CDH13: variants seen among roughly 807,000 people sequenced by gnomAD.
CDH13 encodes cadherin 13.
A neutral mutation model predicts 63.8 loss-of-function variants in CDH13; 24 were observed. That is an observed-to-expected ratio of 0.38 (90% CI 0.27 to 0.53). The LOEUF (loss-of-function observed/expected upper bound fraction) is 0.53. Among genes scored for constraint, CDH13 ranks in the 20% least tolerant of loss-of-function variants. The pLI is 0.85. For synonymous variants in CDH13, 503 were observed against 355.3 expected (o/e 1.42, Z -4.67); for missense variants, 1,049 against 903.1 (o/e 1.16, Z -2.07).
chr16:83,779,980 C>G lies in CDH13; in HGVS notation c.1694C>G (p.Ala565Gly), dbSNP rs1915408274. Residue 565 changes from alanine (A) to glycine (G), a missense_variant, in exon 12 of 14, where the codon GCT becomes GGT. Transcript: ENST00000567109. ...FLAIDSGNPP[A>G]TGTGTLLITL... is the part of the protein sequence containing the mutation. ...CTTTTTCCCACAGGCAACCCTCCCG[C>G]TACGGGCACTGGGACTTTGCTGATA... 2 of 1,609,064 alleles carry G rather than the reference C, an allele frequency of 1.2e-6. No individual in the cohort carries two copies. Among genetic ancestry groups the G allele is most frequent in the Non-Finnish European group, 1.7e-6 (2 of 1,175,688 alleles).
chr16:83,216,165 T>C (rs1353806900), intron 4 of CDH13, among the ~76,000 whole-genome samples: 1 of 151,798 alleles, frequency 6.6e-6, no homozygotes, highest in East Asian at 2.0e-4. Context: ...CCAAATTTAT[T>C]CTTCAAATGT....
At chr16:83,064,527 A>G (rs1479040755) in intron 3 of CDH13, among the ~76,000 whole-genome samples, 2 of 152,208 alleles carry the variant, frequency 1.3e-5, no homozygotes, top group Admixed American at 6.5e-5. Context: ...AATATTAGCA[A>G]TATCTTCTTT....
intron 2 of CDH13, among the ~76,000 whole-genome samples, chr16:82,861,743 T>C (rs2039954791): frequency 6.6e-6 from 1 of 152,214 alleles, no homozygotes; most frequent in Non-Finnish European, 1.5e-5. Flanking sequence ...CTCTTTATTC[T>C]ACTCTCCTTT....
At chr16:83,773,297 G>C (rs1914879776) in intron 11 of CDH13, among the ~76,000 whole-genome samples, 1 of 152,150 alleles carries the variant, frequency 6.6e-6, no homozygotes, top group African/African-American at 2.4e-5. Flanking sequence ...GCCTATATTA[G>C]TCCATTCTCA....
At chr16:83,613,741 G>A (rs772772298) in intron 8 of CDH13, among the ~76,000 whole-genome samples, 7 of 152,112 alleles carry the variant, frequency 4.6e-5, no homozygotes, top group East Asian at 1.9e-4. Flanking sequence ...GCTGAGGCAC[G>A]AGAATCACTT....
intron 6 of CDH13, 150 bp downstream of exon 6, chr16:83,345,156 G>A: frequency 1.2e-6 from 1 of 831,792 alleles, no homozygotes; most frequent in Non-Finnish European, 1.8e-6. Context: ...AGCCAGGTTG[G>A]AAAGCTAAAG....
rs145826591 is a variant in CDH13, at chr16:83,145,637, A to G, written c.483+20136A>G. ...TTGTTTCATTTTTTCTTTGAAGAACATTCTATAGATCGAAGGAATTATTCC... is the reference window on the plus strand; with the variant it reads ...TTGTTTCATTTTTTCTTTGAAGAACGTTCTATAGATCGAAGGAATTATTCC... On this transcript the variant is annotated intron_variant, in intron 4 of 13. Transcript: ENST00000567109. 4.4e-3 allele frequency among the ~76,000 whole-genome samples: 669 copies of G among 152,334 alleles called. 4 individuals carry two copies. The highest frequency in any genetic ancestry group is 0.015 in the African/African-American group (635 of 41,576).
chr16:82,720,172 G>A (rs1386755205), intron 1 of CDH13, among the ~76,000 whole-genome samples: 2 of 152,100 alleles, frequency 1.3e-5, no homozygotes, highest in African/African-American at 4.8e-5. Flanking sequence ...AGTGACGGTG[G>A]TCGTAGTGGT....
intron 7 of CDH13, among the ~76,000 whole-genome samples, chr16:83,559,665 A>G (rs2075667471): frequency 6.6e-6 from 1 of 152,062 alleles, no homozygotes; most frequent in African/African-American, 2.4e-5. Flanking sequence ...GAGGGAAGGA[A>G]AAATTGAAAA....
chr16:82,685,697 G>C (rs576629358), intron 1 of CDH13, among the ~76,000 whole-genome samples: 4 of 152,182 alleles, frequency 2.6e-5, no homozygotes, highest in African/African-American at 7.2e-5. Flanking sequence ...GGGCCAGCAG[G>C]TGTTCAACCC....
At chr16:82,968,448 G>A (rs1908189917) in intron 2 of CDH13, among the ~76,000 whole-genome samples, 1 of 152,212 alleles carries the variant, frequency 6.6e-6, no homozygotes. Context: ...GATGAAGGGG[G>A]TTAAGTGACA....
intron 7 of CDH13, among the ~76,000 whole-genome samples, chr16:83,488,642 T>C (rs2073946128): frequency 6.6e-6 from 1 of 152,122 alleles, no homozygotes; most frequent in Non-Finnish European, 1.5e-5. Context: ...TTTTATTTTA[T>C]GAGACAGAGT....
At chr16:82,801,188 C>G (rs1204967684) in intron 1 of CDH13, among the ~76,000 whole-genome samples, 1 of 152,174 alleles carries the variant, frequency 6.6e-6, no homozygotes, top group Admixed American at 6.5e-5. Flanking sequence ...CCCTACAGAG[C>G]CTTAGAAGGA....
At chr16:82,972,086 A>G (rs1351717553) in intron 2 of CDH13, among the ~76,000 whole-genome samples, 1 of 152,196 alleles carries the variant, frequency 6.6e-6, no homozygotes, top group Non-Finnish European at 1.5e-5. Context: ...AAGAGAGTCT[A>G]CCCAAGTGAA....
intron 10 of CDH13, among the ~76,000 whole-genome samples, chr16:83,702,768 G>A (rs552135824): frequency 6.6e-6 from 1 of 152,288 alleles, no homozygotes; most frequent in African/African-American, 2.4e-5. Flanking sequence ...CTGTGGGGAG[G>A]GGCTTTCCAA....
chr16:83,298,226 G>A (rs1322768591), intron 5 of CDH13, among the ~76,000 whole-genome samples: 5 of 151,974 alleles, frequency 3.3e-5, no homozygotes. Flanking sequence ...CTGGGTGAGA[G>A]AGCAAGGCCG....
intron 2 of CDH13, among the ~76,000 whole-genome samples, chr16:82,993,749 C>G (rs1379365490): frequency 1.3e-5 from 2 of 152,028 alleles, no homozygotes. Context: ...AGAAAACAGG[C>G]CACTGAAACA....
intron 1 of CDH13, chr16:82,825,287 C>T (rs1230323605): frequency 6.6e-6 from 1 of 152,138 alleles, no homozygotes; most frequent in Non-Finnish European, 1.5e-5. Context: ...TAAGGTGCAC[C>T]CACTTCTCAG....
At chr16:82,916,124 C>G (rs1044620268) in intron 2 of CDH13, among the ~76,000 whole-genome samples, 1 of 152,050 alleles carries the variant, frequency 6.6e-6, no homozygotes, top group Non-Finnish European at 1.5e-5. Context: ...CCTGGGAGTC[C>G]AAAGTTCAAT....
Sources: allele counts gnomAD v4.1 joint callset (sites outside exome capture counted in the v4.1 genomes callset), GRCh38; gene constraint gnomAD v4.1.1; transcripts MANE v1.5; gene names NCBI Gene and HGNC (gene_info 2026-07-23, HGNC 2026-07-21).